Variants in CARS2 observed in about 807,000 individuals in gnomAD.
The protein encoded by CARS2 is cysteinyl-tRNA synthetase 2, mitochondrial, also known as probable cysteine--tRNA ligase, mitochondrial.
Under a neutral mutation model 68.8 loss-of-function variants are expected in CARS2, and 52 were observed. The ratio of observed to expected loss-of-function variants is 0.76; its 90% CI spans 0.61 to 0.95. CARS2 has a LOEUF of 0.95. Among genes scored for constraint, CARS2 ranks in the 40% least tolerant of loss-of-function variants. The pLI is 0.00. For synonymous variants in CARS2, 314 were observed against 303.6 expected, an observed-to-expected ratio of 1.03 and a Z score of -0.36; for missense variants, 780 against 754.2, an observed-to-expected ratio of 1.03 and a Z score of -0.40.
At chr13:110,658,569 T>C (rs2477917) in intron 9 of CARS2, among the ~76,000 whole-genome samples, 42,999 of 151,926 alleles carry the variant, frequency 0.28, 6,782 homozygotes, top group African/African-American at 0.39. Flanking sequence ...AAATGCAACA[T>C]ATGAACCTTG....
At position 110,667,388 on chromosome 13, in the gene CARS2, C is replaced by T. The variant is rs749694651; in HGVS notation, c.871G>A (p.Glu291Lys). The T allele has an allele frequency of 1.9e-5, 31 of 1,613,502 alleles. No individual in the cohort carries two copies. Among genetic ancestry groups the T allele is most frequent in the Middle Eastern group, 1.6e-4 (1 of 6,084 alleles). ...CACTGCTCGCACTGATGAAAGACTT[C>T]GCACTGTGCAATTTCGTTTTCATGA... is the stretch of plus-strand genomic sequence containing the variant. ...PHHENEIAQC[E>K]VFHQCEQWGN... is the part of the protein sequence containing the mutation. The change falls in exon 8 of 15, where the codon GAA becomes AAA. Residue 291 changes from glutamate to lysine, a missense_variant. Physicochemically the swap from Glu to Lys is moderately conservative, Grantham distance 56 (BLOSUM62 1). Coordinates refer to ENST00000257347, the MANE Select transcript of CARS2 (RefSeq NM_024537.4).
intron 6 of CARS2, 114 bp from the exon 7 acceptor site, chr13:110,677,217 C>T: frequency 9.5e-7 from 1 of 1,056,310 alleles, no homozygotes; most frequent in Non-Finnish European, 1.3e-6. Context: ...CATGGAAACA[C>T]AGAAAATCAC....
chr13:110,666,065 C>T, intron 8 of CARS2: 1 of 985,322 alleles, frequency 1.0e-6, no homozygotes, highest in South Asian at 4.7e-5. Flanking sequence ...GCTTCCTCTC[C>T]AAGAACACAA....
intron 6 of CARS2, among the ~76,000 whole-genome samples, chr13:110,681,994 G>A (rs906237724): frequency 9.9e-5 from 15 of 152,254 alleles, no homozygotes; most frequent in African/African-American, 3.4e-4. Context: ...TGGAATGGTG[G>A]AAACATGTCG....
rs778546592 is a variant in CARS2, at chr13:110,642,445, C to G, written c.1493G>C (p.Arg498Pro). 1.5e-5 allele frequency: 24 copies of G among 1,607,374 alleles called. No individual in the cohort carries two copies. Among genetic ancestry groups the G allele is most frequent in the Admixed American group, 3.4e-5 (2 of 59,482 alleles). The change falls in exon 14 of 15, where the codon CGG becomes CCG. Residue 498 changes from arginine (R) to proline (P), a missense_variant. By Grantham distance (103) the Arg-to-Pro change is moderately radical. Coordinates refer to ENST00000257347, the MANE Select transcript of CARS2 (RefSeq NM_024537.4). The part of the protein sequence containing the change: ...DELVRFRQKV[R>P]QFALAMPEAT... Reference sequence around the variant, plus strand: ...CTCGGGCATGGCCAGCGCAAACTGCCGGACCTTCTGCCGGAACCGCACCAG... The same window carrying G: ...CTCGGGCATGGCCAGCGCAAACTGCGGGACCTTCTGCCGGAACCGCACCAG...
rs1210663538 is a variant in CARS2 at position 110,647,096 on chromosome 13, C to G, written c.1193+5G>C. On this transcript the variant is annotated splice_donor_5th_base_variant and intron_variant, in intron 11 of 14. Coordinates refer to ENST00000257347, the MANE Select transcript of CARS2 (RefSeq NM_024537.4). Reference sequence around the variant, plus strand: ...GCCACGCCGGGTGCTAGGCGGGCCTCTTACCTCTCCCACAGCATCGCTTCC... The same window carrying G: ...GCCACGCCGGGTGCTAGGCGGGCCTGTTACCTCTCCCACAGCATCGCTTCC... The G allele has an allele frequency of 1.3e-6, 2 of 1,574,996 alleles. No homozygotes were observed. Among genetic ancestry groups the G allele is most frequent in the African/African-American group, 1.3e-5 (1 of 74,290 alleles).
intron 3 of CARS2, among the ~76,000 whole-genome samples, chr13:110,693,246 G>A (rs893194375): frequency 7.2e-5 from 11 of 152,008 alleles, no homozygotes; most frequent in African/African-American, 1.9e-4. Context: ...TTCTCTGCAC[G>A]TGGCTGCACC....
In CARS2 at chr13:110,705,927, T is replaced by C. The variant is rs781155524; in HGVS notation, c.167A>G (p.Asn56Ser). The change falls in exon 1 of 15, where the codon AAC becomes AGC. Residue 56 changes from asparagine to serine, a missense_variant. Asn to Ser is a conservative substitution (Grantham distance 46, BLOSUM62 1). Coordinates refer to ENST00000257347, the MANE Select transcript of CARS2 (RefSeq NM_024537.4). This position sits in a 1 kb window ranked among gnomAD's most constrained non-coding sequence, Gnocchi z 4.0. ...TGRETGVQVY[N>S]SLTGRKEPLI... The stretch of plus-strand genomic sequence containing the variant: ...GGGTTCCTTCCTCCCGGTGAGGCTG[T>C]TGTACACCTGCACACCCGTCTCCCG... 4.4e-6 allele frequency: 7 copies of C among 1,573,864 alleles called. 1 individual carries two copies. In the South Asian group the frequency reaches 5.8e-5, roughly 13 times the overall value.
chr13:110,646,207 T>A, intron 11 of CARS2, 117 bp from the exon 12 acceptor site: 1 of 1,204,608 alleles, frequency 8.3e-7, no homozygotes, highest in Non-Finnish European at 1.1e-6. Context: ...GGACTTTCTC[T>A]AGGTCATATT....
chr13:110,713,246 T>C, exon 1 of CARS2: 1 of 1,351,478 alleles, frequency 7.4e-7, no homozygotes, highest in Non-Finnish European at 9.5e-7. Context: ...TACTGCTCTG[T>C]GGGGCGGGGA....
intron 7 of CARS2, among the ~76,000 whole-genome samples, chr13:110,673,949 TCC>T (rs921410865): frequency 1.4e-4 from 21 of 152,118 alleles, no homozygotes; most frequent in Admixed American, 1.1e-3. Context: ...ATGAGTGAAC[TCC>T]CATTCACAAT....
chr13:110,702,848 A>T (rs2063828628), intron 2 of CARS2, among the ~76,000 whole-genome samples: 1 of 152,308 alleles, frequency 6.6e-6, no homozygotes, highest in East Asian at 1.9e-4. Flanking sequence ...CTGTGACTCC[A>T]CCATGAACCA....
chr13:110,652,576 G>C (rs985939814), intron 9 of CARS2, among the ~76,000 whole-genome samples: 1 of 152,202 alleles, frequency 6.6e-6, no homozygotes, highest in Admixed American at 6.5e-5. Context: ...CCTGCCTCCA[G>C]GGCTCAGTCC....
chr13:110,697,535 C>G (rs1436465321), intron 3 of CARS2, among the ~76,000 whole-genome samples: 1 of 152,224 alleles, frequency 6.6e-6, no homozygotes, highest in African/African-American at 2.4e-5. Flanking sequence ...CTCCACCTCC[C>G]GGGTTCAAGT....
intron 2 of CARS2, among the ~76,000 whole-genome samples, chr13:110,704,860 A>G (rs7986286): frequency 0.63 from 96,074 of 152,100 alleles, 32,147 homozygotes; most frequent in South Asian, 0.77. Context: ...GGAAATGTAC[A>G]AAATATTAGG....
chr13:110,686,220 G>A (rs1172594502), intron 5 of CARS2, among the ~76,000 whole-genome samples: 3 of 150,534 alleles, frequency 2.0e-5, no homozygotes, highest in Non-Finnish European at 4.4e-5. Context: ...TGGCTGATGC[G>A]ACAGAACATC....
Position 110,667,571 on chromosome 13 carries a change from G to A in CARS2, c.786-98C>T, listed in dbSNP as rs1017010403. 12 of 1,052,184 alleles carry A rather than the reference G, an allele frequency of 1.1e-5. No homozygotes were observed. The African/African-American group carries it at 2.0e-4, about 17-fold the overall frequency. 65.2% of individuals were successfully genotyped at this position (1,052,184 alleles called of 1,614,324 possible). On this transcript the variant is annotated intron_variant, in intron 7 of 14. Transcript: ENST00000257347. Reference sequence around the variant, plus strand: ...TTCCTTCCAGCCTTTTTAATTCAATGAATAAATGGATCTCAGTTTTGCATC... The same window carrying A: ...TTCCTTCCAGCCTTTTTAATTCAATAAATAAATGGATCTCAGTTTTGCATC...
chr13:110,698,439 G>A (rs886771215), intron 3 of CARS2, among the ~76,000 whole-genome samples: 1 of 151,772 alleles, frequency 6.6e-6, no homozygotes, highest in Non-Finnish European at 1.5e-5. Context: ...AGAATCGCCT[G>A]ACCCCGGGAT....
intron 10 of CARS2, among the ~76,000 whole-genome samples, chr13:110,650,095 C>A (rs955177843): frequency 1.3e-5 from 2 of 151,864 alleles, no homozygotes; most frequent in Non-Finnish European, 2.9e-5. Context: ...TGCCACCAAG[C>A]CAATTTTTTT....
Sources: allele counts gnomAD v4.1 joint callset (sites outside exome capture counted in the v4.1 genomes callset), GRCh38; gene constraint gnomAD v4.1.1; non-coding constraint Gnocchi (gnomAD v3.1); transcripts MANE v1.5; gene names NCBI Gene and HGNC (gene_info 2026-07-23, HGNC 2026-07-21).